The following IBTK variants were observed in gnomAD, a reference collection of about 807,000 sequenced individuals.
The protein encoded by IBTK is inhibitor of Bruton tyrosine kinase.
A neutral mutation model predicts 154.9 loss-of-function variants in IBTK; 83 were observed. That is an observed-to-expected ratio of 0.54 (90% confidence interval 0.45 to 0.64). The LOEUF (loss-of-function observed/expected upper bound fraction) is 0.64, where lower values mean the gene tolerates loss of function less well. Ranked by LOEUF, IBTK falls within the 30% of genes least tolerant of loss-of-function variation. The pLI is 0.00. For missense variants in IBTK, 1,332 were observed against 1,584.6 expected, an observed-to-expected ratio of 0.84 and a Z score of 2.71; for synonymous variants, 515 against 536.1, an observed-to-expected ratio of 0.96 and a Z score of 0.54.
intron 8 of IBTK, among the ~76,000 whole-genome samples, chr6:82,222,435 AT>A (rs1025800023): frequency 3.3e-5 from 5 of 152,124 alleles, no homozygotes; most frequent in South Asian, 2.1e-4. Flanking sequence ...AAGTACTTGT[AT>A]TTTTTTAAAC....
chr6:82,245,048 C>T (rs560306352), intron 1 of IBTK, among the ~76,000 whole-genome samples: 1 of 152,232 alleles, frequency 6.6e-6, no homozygotes, highest in East Asian at 1.9e-4. Flanking sequence ...TATGTACTAA[C>T]TGAACAAAAC....
At chr6:82,218,592 A>G (rs1769958719) in intron 9 of IBTK, among the ~76,000 whole-genome samples, 1 of 152,200 alleles carries the variant, frequency 6.6e-6, no homozygotes, top group Admixed American at 6.5e-5. Context: ...ATATAACTAA[A>G]ACAAAATCTT....
At chr6:82,178,956 GC>G (rs1350875479) in intron 26 of IBTK, among the ~76,000 whole-genome samples, 1 of 152,222 alleles carries the variant, frequency 6.6e-6, no homozygotes, top group African/African-American at 2.4e-5. Flanking sequence ...GACTATGTAG[GC>G]CTTGAAGGCC....
At chr6:82,174,668 G>A (rs1293818715) in intron 26 of IBTK, among the ~76,000 whole-genome samples, 1 of 151,984 alleles carries the variant, frequency 6.6e-6, no homozygotes, top group Non-Finnish European at 1.5e-5. Context: ...CCTAATGTGT[G>A]GGCAAACAAA....
intron 17 of IBTK, 27 bp from the exon 18 acceptor site, chr6:82,202,672 A>C: frequency 7.7e-7 from 1 of 1,305,354 alleles, no homozygotes; most frequent in Non-Finnish European, 1.1e-6. Flanking sequence ...GATTTGCAAA[A>C]TTAGATAAAA....
chr6:82,184,285 A>T (rs746968418), intron 25 of IBTK, among the ~76,000 whole-genome samples: 3 of 152,242 alleles, frequency 2.0e-5, no homozygotes, highest in Non-Finnish European at 2.9e-5. Context: ...AAAATTAACC[A>T]GAATTTTGCT....
intron 23 of IBTK, among the ~76,000 whole-genome samples, chr6:82,192,430 C>T (rs1768801462): frequency 6.6e-6 from 1 of 152,032 alleles, no homozygotes; most frequent in South Asian, 2.1e-4. Flanking sequence ...ACCATAATGA[C>T]AAAATTCTAC....
intron 24 of IBTK, 107 bp from the exon 25 acceptor site, chr6:82,191,323 T>C (rs769151135): frequency 3.2e-5 from 26 of 823,856 alleles, no homozygotes; most frequent in Non-Finnish European, 5.0e-5. Context: ...TTCTGCTTAA[T>C]AAAGGTTACT....
Position 82,201,410 on chromosome 6 carries a change from C to T in IBTK, c.2790+12G>A. 1 of 1,598,852 alleles carries T rather than the reference C, an allele frequency of 6.3e-7. No homozygotes were observed. Among genetic ancestry groups the T allele is most frequent in the Non-Finnish European group, 8.5e-7 (1 of 1,169,816 alleles). ...TATTATAGCCGCGAAAATCTTAAAA[C>T]ATAAACCTTACCATTTTCCGGTAAA... On this transcript the variant is annotated intron_variant, in intron 19 of 28. Transcript: ENST00000306270.
chr6:82,198,551 A>G (rs1439105415), intron 21 of IBTK, among the ~76,000 whole-genome samples: 2 of 152,102 alleles, frequency 1.3e-5, no homozygotes, highest in African/African-American at 2.4e-5. Flanking sequence ...GAAGCATCTC[A>G]GTAAACATAA....
chr6:82,180,563 A>C (rs1768285511), intron 26 of IBTK, among the ~76,000 whole-genome samples: 1 of 152,144 alleles, frequency 6.6e-6, no homozygotes, highest in Non-Finnish European at 1.5e-5. Context: ...TAAGATTTTA[A>C]TTTTAAAATA....
chr6:82,205,483 T>C (rs1363859873), intron 16 of IBTK: 1 of 152,344 alleles, frequency 6.6e-6, no homozygotes, highest in African/African-American at 2.4e-5. Flanking sequence ...AACAACTTTC[T>C]TGGGCCAGGT....
At chr6:82,201,949 C>A (rs1769226314) in intron 18 of IBTK, among the ~76,000 whole-genome samples, 1 of 152,114 alleles carries the variant, frequency 6.6e-6, no homozygotes, top group African/African-American at 2.4e-5. Flanking sequence ...CGGTCTTGAA[C>A]TCCTGACCTC....
Position 82,174,424 on chromosome 6 carries a change from C to G in IBTK, c.3726-986G>C, listed in dbSNP as rs999998121. ...TATGGAAGATTGTATATACTGATGG[C>G]TTCACTGAGGAAATGACATTAAAGC... On this transcript the variant is annotated intron_variant, in intron 26 of 28. Transcript: ENST00000306270. Among the ~76,000 whole-genome samples the G allele has an allele frequency of 2.0e-5, 3 of 152,048 alleles. No individual in the cohort carries two copies. The East Asian group carries it at 5.8e-4, about 29-fold the overall frequency.
chr6:82,178,495 TG>T (rs771704614), intron 26 of IBTK, among the ~76,000 whole-genome samples: 3 of 152,208 alleles, frequency 2.0e-5, no homozygotes, highest in Non-Finnish European at 4.4e-5. Context: ...AAATGTTACT[TG>T]AAACAGGGTT....
intron 26 of IBTK, among the ~76,000 whole-genome samples, chr6:82,177,644 C>T (rs1480355043): frequency 6.6e-6 from 1 of 152,064 alleles, no homozygotes; most frequent in Non-Finnish European, 1.5e-5. Context: ...GAAGTCCCGA[C>T]CTCAGGTGAT....
intron 3 of IBTK, among the ~76,000 whole-genome samples, chr6:82,232,054 TTG>T (rs1770526659): frequency 1.7e-5 from 2 of 118,624 alleles, no homozygotes; most frequent in Non-Finnish European, 3.5e-5. Context: ...TCTTTTTTTT[TTG>T]TTGTTGTTTT....
Position 82,212,660 on chromosome 6 carries a change from G to A in IBTK, c.2291+47C>T, listed in dbSNP as rs750057643. On this transcript the variant is annotated intron_variant, in intron 13 of 28. Transcript: ENST00000306270. ...AGCAGAGATCTATTTCCACACTTAAGTGCCAAAATCCAGACATGAAATGTT... is the reference window on the plus strand; with the variant it reads ...AGCAGAGATCTATTTCCACACTTAAATGCCAAAATCCAGACATGAAATGTT... 8.1e-6 allele frequency: 10 copies of A among 1,235,106 alleles called. No homozygotes were observed. The South Asian group carries it at 9.6e-5, about 12-fold the overall frequency. 76.5% of individuals were successfully genotyped at this position (1,235,106 alleles called of 1,614,324 possible).
chr6:82,194,708 T>C, intron 22 of IBTK, 66 bp from the exon 23 acceptor site: 2 of 1,060,794 alleles, frequency 1.9e-6, no homozygotes, highest in Non-Finnish European at 2.6e-6. Context: ...ACATAGCTGG[T>C]ACTTAATAAA....
Sources: gnomAD v4.1 joint callset for allele counts (sites outside exome capture counted in the v4.1 genomes callset) on GRCh38, gnomAD v4.1.1 for gene constraint, MANE v1.5 for transcripts, NCBI Gene and HGNC (gene_info 2026-07-23, HGNC 2026-07-21) for gene names.